TBC1D12: variants seen among roughly 807,000 people sequenced by gnomAD.
The protein encoded by TBC1D12 is TBC1 domain family member 12, also known as TBC1 domain family, member 12.
In TBC1D12, 56 loss-of-function variants were observed where a neutral mutation model predicts 86.7. The observed-to-expected ratio is 0.65, with a 90% CI of 0.52 to 0.81. The LOEUF is 0.81. Ranked by LOEUF, TBC1D12 falls within the 30% of genes least tolerant of loss-of-function variation. The pLI, the probability that TBC1D12 is intolerant of heterozygous loss-of-function variation, is 0.00. For synonymous variants in TBC1D12, 421 were observed against 411.7 expected (o/e 1.02, Z -0.27); for missense variants, 1,023 against 1,038.8 (o/e 0.98, Z 0.21).
chr10:94,408,862 A>G (rs1430636140), intron 1 of TBC1D12, among the ~76,000 whole-genome samples: 1 of 152,206 alleles, frequency 6.6e-6, no homozygotes, highest in Non-Finnish European at 1.5e-5. Flanking sequence ...GCTTTTTAAT[A>G]CTCTGATATA....
At chr10:94,442,976 G>A (rs1360674790) in intron 2 of TBC1D12, among the ~76,000 whole-genome samples, 1 of 152,004 alleles carries the variant, frequency 6.6e-6, no homozygotes, top group East Asian at 1.9e-4. Context: ...TTGAATAAAA[G>A]GTTTATTTTT....
At position 94,520,476 on chromosome 10, in the gene TBC1D12, G is replaced by A. The variant is rs561144015; in HGVS notation, c.1762-1479G>A. ...TGAGGCAGGAGAATCGCTTGAATCC[G>A]GGAGGCGGAGGTTGCAGTGAGCTGA... On this transcript the variant is annotated intron_variant, in intron 9 of 12. Coordinates refer to ENST00000225235, the MANE Select transcript of TBC1D12 (RefSeq NM_015188.2). 1.8e-4 allele frequency among the ~76,000 whole-genome samples: 27 copies of A among 152,072 alleles called. 1 individual carries two copies. Among genetic ancestry groups the A allele is most frequent in the Admixed American group, 1.5e-3 (23 of 15,272 alleles).
intron 3 of TBC1D12, among the ~76,000 whole-genome samples, chr10:94,476,082 C>A (rs1361158356): frequency 6.6e-6 from 1 of 152,052 alleles, no homozygotes; most frequent in African/African-American, 2.4e-5. Flanking sequence ...CAGGACTACA[C>A]GCGCACACCA....
At chr10:94,417,648 G>T (rs1462823974) in intron 1 of TBC1D12, among the ~76,000 whole-genome samples, 2 of 151,988 alleles carry the variant, frequency 1.3e-5, no homozygotes, top group South Asian at 2.1e-4. Context: ...CTTTATAAAA[G>T]TGGACTGGGA....
intron 2 of TBC1D12, among the ~76,000 whole-genome samples, chr10:94,456,553 T>C (rs573514936): frequency 7.9e-5 from 12 of 152,360 alleles, no homozygotes; most frequent in African/African-American, 2.9e-4. Context: ...ATTTCTGTTA[T>C]TTTAAACTTG....
At chr10:94,451,028 A>G (rs952736007) in intron 2 of TBC1D12, among the ~76,000 whole-genome samples, 1 of 152,076 alleles carries the variant, frequency 6.6e-6, no homozygotes, top group South Asian at 2.1e-4. Flanking sequence ...GGTAGGAGGA[A>G]GGTGGTGGTG....
Position 94,403,554 on chromosome 10 carries a change from G to C in TBC1D12, c.941G>C (p.Arg314Pro). 1 of 1,487,560 alleles carries C rather than the reference G, an allele frequency of 6.7e-7. No individual in the cohort carries two copies. The allele number at this position is 1,487,560 out of a possible 1,614,324, so 92.1% of individuals were successfully genotyped here. A position where few individuals can be genotyped will look rare whatever the true frequency, so the allele number is the denominator to read the frequency against. The part of the protein sequence containing the change: ...GPAGASARAR[R>P]SGGFADFFTR... ...GCGGGGGCTTCGGCCCGGGCTCGAC[G>C]GAGTGGCGGCTTCGCGGACTTCTTC... Residue 314 changes from arginine to proline, a missense_variant, in exon 1 of 13, where the codon CGG becomes CCG. By Grantham distance (103) the Arg-to-Pro change is moderately radical. Transcript: ENST00000225235.
chr10:94,435,855 ATG>A (rs2055287286), intron 1 of TBC1D12, among the ~76,000 whole-genome samples: 1 of 152,170 alleles, frequency 6.6e-6, no homozygotes, highest in South Asian at 2.1e-4. Context: ...TGACTGTGGT[ATG>A]TGGTAGGAAT....
chr10:94,430,521 C>G lies in TBC1D12; in HGVS notation c.972-11375C>G, dbSNP rs535170209. On this transcript the variant is annotated intron_variant, in intron 1 of 12. Transcript: ENST00000225235. Reference sequence around the variant, plus strand: ...TTTGCATGATATCAATAAATTTTGCCCCTTTTTAGTGAGCTTTAGCCTTTG... The same window carrying G: ...TTTGCATGATATCAATAAATTTTGCGCCTTTTTAGTGAGCTTTAGCCTTTG... Among the ~76,000 whole-genome samples the G allele has an allele frequency of 2.6e-5, 4 of 152,202 alleles. No individual in the cohort carries two copies. In the South Asian group the frequency reaches 8.3e-4, roughly 32 times the overall value.
rs1217920508 is a variant in TBC1D12, at chr10:94,474,659, T to A, written c.1096-9T>A. On this transcript the variant is annotated splice_polypyrimidine_tract_variant and intron_variant, in intron 2 of 12. Transcript: ENST00000225235. The stretch of plus-strand genomic sequence containing the variant: ...GTTTCTGCATAAGGTATGTTTTAAT[T>A]TACTCTAGGAATATGAAGCACGAAC... The A allele has an allele frequency of 9.3e-6, 15 of 1,608,502 alleles. No homozygotes were observed. The highest frequency in any genetic ancestry group is 1.3e-5 in the Non-Finnish European group (15 of 1,175,242).
Position 94,522,349 on chromosome 10 carries a change from G to C in TBC1D12, c.1896G>C (p.Leu632Phe). The C allele has an allele frequency of 7.2e-7, 1 of 1,387,550 alleles. No individual in the cohort carries two copies. Among genetic ancestry groups the C allele is most frequent in the Non-Finnish European group, 9.8e-7 (1 of 1,017,646 alleles). 86.0% of individuals were successfully genotyped at this position (1,387,550 alleles called of 1,614,324 possible). A position where few individuals can be genotyped will look rare whatever the true frequency, so the allele number is the denominator to read the frequency against. The change falls in exon 11 of 13, where the codon TTG (leucine) becomes TTC (phenylalanine). Residue 632 changes from leucine to phenylalanine, a missense_variant. Leu to Phe is a conservative substitution (Grantham distance 22). This residue lies in a region of TBC1D12 where 395 missense variants were observed against 507.7 expected (regional missense o/e 0.78). Transcript: ENST00000225235. ...ATTGATTTTTTAATCTTTAGATGTT[G>C]AAATATTTTGCAACATTTGAAGTAT... The part of the protein sequence containing the change: ...AFFRVDHSMM[L>F]KYFATFEVFF...
intron 4 of TBC1D12, among the ~76,000 whole-genome samples, chr10:94,494,457 A>C (rs568335230): frequency 1.3e-5 from 2 of 152,362 alleles, no homozygotes; most frequent in East Asian, 3.9e-4. Flanking sequence ...TTGTTCTAGA[A>C]GGTATTTAAA....
rs1241609993 is a variant in TBC1D12 at position 94,447,505 on chromosome 10, G to T, written c.1095+5486G>T. 18 of 556,356 alleles carry T rather than the reference G, an allele frequency of 3.2e-5. No individual in the cohort carries two copies. The Admixed American group carries it at 1.1e-3, about 35-fold the overall frequency. 34.5% of individuals were successfully genotyped at this position (556,356 alleles called of 1,614,324 possible). A position where few individuals can be genotyped will look rare whatever the true frequency, so the allele number is the denominator to read the frequency against. On this transcript the variant is annotated intron_variant, in intron 2 of 12. Coordinates refer to ENST00000225235, the MANE Select transcript of TBC1D12 (RefSeq NM_015188.2). Reference sequence around the variant, plus strand: ...TAGTGCTTTCCATGTTAACAGTAAAGAAACATAAAAAACGTTTTAGGATTA... The same window carrying T: ...TAGTGCTTTCCATGTTAACAGTAAATAAACATAAAAAACGTTTTAGGATTA...
At chr10:94,462,587 G>A (rs1386289480) in intron 2 of TBC1D12, among the ~76,000 whole-genome samples, 1 of 152,142 alleles carries the variant, frequency 6.6e-6, no homozygotes, top group East Asian at 1.9e-4. Context: ...CTTGACATCA[G>A]CCTGGGCTTT....
At chr10:94,411,203 A>G (rs2054923150) in intron 1 of TBC1D12, among the ~76,000 whole-genome samples, 2 of 152,172 alleles carry the variant, frequency 1.3e-5, no homozygotes, top group Admixed American at 1.3e-4. Flanking sequence ...ACAGTGCATC[A>G]GCTCTTCTTT....
intron 9 of TBC1D12, among the ~76,000 whole-genome samples, chr10:94,513,994 A>G (rs1003997144): frequency 6.6e-6 from 1 of 151,952 alleles, no homozygotes. Context: ...TGAAATGTAC[A>G]GAACTCAGTT....
intron 3 of TBC1D12, among the ~76,000 whole-genome samples, chr10:94,484,570 G>C (rs1469056449): frequency 6.6e-6 from 1 of 151,960 alleles, no homozygotes; most frequent in Non-Finnish European, 1.5e-5. Context: ...AAATAGCTTT[G>C]GCTATTCTTG....
At chr10:94,500,175 G>C in intron 5 of TBC1D12, 46 bp from the exon 6 acceptor site, 1 of 1,546,568 alleles carries the variant, frequency 6.5e-7, no homozygotes, top group Non-Finnish European at 8.8e-7. Flanking sequence ...TAGTATTTTT[G>C]GTATAAAAAG....
intron 2 of TBC1D12, among the ~76,000 whole-genome samples, chr10:94,473,638 G>A (rs2055943296): frequency 6.6e-6 from 1 of 152,130 alleles, no homozygotes; most frequent in Non-Finnish European, 1.5e-5. Context: ...AAATCATTGA[G>A]TAATATTTGA....
Sources: gnomAD v4.1 joint callset for allele counts (sites outside exome capture counted in the v4.1 genomes callset) on GRCh38, gnomAD v4.1.1 for gene constraint, gnomAD v4.1.1 regional missense constraint, MANE v1.5 for transcripts, NCBI Gene and HGNC (gene_info 2026-07-23, HGNC 2026-07-21) for gene names.